Variants in CD4 observed in about 807,000 individuals in gnomAD.
CD4 encodes the protein CD4 molecule.
A neutral mutation model predicts 50.5 loss-of-function variants in CD4; 25 were observed. The observed-to-expected ratio is 0.49, with a 90% CI of 0.36 to 0.69. The LOEUF is 0.69. Ranked by LOEUF, CD4 falls within the 30% of genes least tolerant of loss-of-function variation. The pLI is 0.00. For missense variants in CD4, 456 were observed against 548.5 expected, an observed-to-expected ratio of 0.83 and a Z score of 1.68; for synonymous variants, 207 against 221.9, an observed-to-expected ratio of 0.93 and a Z score of 0.60.
chr12:6,805,805 A>G (rs1259665692), intron 3 of CD4, among the ~76,000 whole-genome samples: 1 of 151,972 alleles, frequency 6.6e-6, no homozygotes, highest in Non-Finnish European at 1.5e-5. Context: ...GGCCAGGTGT[A>G]GTGGCTTACA....
At chr12:6,804,170 A>G (rs530570188) in intron 3 of CD4, among the ~76,000 whole-genome samples, 827 of 4,782 alleles carry the variant, frequency 0.17, 12 homozygotes, top group Middle Eastern at 0.44. Flanking sequence ...AAGCACACAC[A>G]CACACACACA....
Position 6,814,889 on chromosome 12 carries a change from C to A in CD4, c.504C>A (p.Thr168=), listed in dbSNP as rs782677887. Residue 168 remains threonine, a synonymous_variant, in exon 5 of 10, where the codon ACC becomes ACA. Coordinates refer to ENST00000011653, the MANE Select transcript of CD4 (RefSeq NM_000616.5). ...GTAAAAACATACAGGGGGGGAAGACCCTCTCCGTGTCTCAGCTGGAGCTCC... is the reference window on the plus strand; with the variant it reads ...GTAAAAACATACAGGGGGGGAAGACACTCTCCGTGTCTCAGCTGGAGCTCC... ...PRGKNIQGGK[T]LSVSQLELQD... 3.7e-6 allele frequency: 6 copies of A among 1,613,320 alleles called. No individual in the cohort carries two copies. Among genetic ancestry groups the A allele is most frequent in the Non-Finnish European group, 5.1e-6 (6 of 1,179,622 alleles).
In CD4 at chr12:6,814,979, C is replaced by T. The variant is rs781822450; in HGVS notation, c.594C>T (p.Asp198=). The T allele has an allele frequency of 1.2e-6, 2 of 1,610,952 alleles. No homozygotes were observed. The highest frequency in any genetic ancestry group is 8.5e-7 in the Non-Finnish European group (1 of 1,177,704). Residue 198 remains aspartate, a synonymous_variant, in exon 5 of 10, where the codon GAC becomes GAT. Coordinates refer to ENST00000011653, the MANE Select transcript of CD4 (RefSeq NM_000616.5). ...AGAAGAAGGTGGAGTTCAAAATAGACATCGTGGTGCTAGGTAAGGGAAGCC... is the reference window on the plus strand; with the variant it reads ...AGAAGAAGGTGGAGTTCAAAATAGATATCGTGGTGCTAGGTAAGGGAAGCC... ...QNQKKVEFKI[D]IVVLAFQKAS... is the part of the protein sequence containing the mutation.
intron 7 of CD4, 34 bp downstream of exon 7, chr12:6,817,364 GGGCTGCGGGACCTTCCTGTGGTT>G: frequency 6.5e-7 from 1 of 1,532,930 alleles, no homozygotes; most frequent in African/African-American, 1.4e-5. Context: ...TCTGCCTCCT[GGGCTGCGGGACCTTCCTGTGGTT>G]GGCAGAGACC....
rs1441248976 is a variant in CD4 at position 6,812,767 on chromosome 12, ATTTTTGTGTG to A, written c.215-1373_215-1364del. On this transcript the variant is annotated intron_variant, in intron 3 of 9. Coordinates refer to ENST00000011653, the MANE Select transcript of CD4 (RefSeq NM_000616.5). ...CCTCTTCCTAGAGGCAACCAAGGTTATTTTTGTGTGTGTGTGTGTGTGTGTGTGTGTGTGT... is the reference window on the plus strand; with the variant it reads ...CCTCTTCCTAGAGGCAACCAAGGTTATGTGTGTGTGTGTGTGTGTGTGTGT... Among the ~76,000 whole-genome samples the A allele has an allele frequency of 7.9e-3, 1,146 of 144,420 alleles. 5 individuals carry two copies. The highest frequency in any genetic ancestry group is 0.011 in the Admixed American group (168 of 14,798). 94.7% of individuals were successfully genotyped at this position (144,420 alleles called of 152,430 possible).
At chr12:6,801,000 G>A (rs1942527713) in intron 3 of CD4, among the ~76,000 whole-genome samples, 3 of 151,778 alleles carry the variant, frequency 2.0e-5, no homozygotes, top group Non-Finnish European at 4.4e-5. Context: ...CCACCTCCCA[G>A]GCTCAAGTCA....
intron 1 of CD4, among the ~76,000 whole-genome samples, chr12:6,793,968 C>CA (rs1305680372): frequency 4.5e-5 from 4 of 88,658 alleles, no homozygotes; most frequent in African/African-American, 1.4e-4. Flanking sequence ...TTCTATCTAT[C>CA]TATATCTATC....
chr12:6,809,570 A>G (rs1942876073), intron 3 of CD4, among the ~76,000 whole-genome samples: 1 of 151,990 alleles, frequency 6.6e-6, no homozygotes, highest in Non-Finnish European at 1.5e-5. Flanking sequence ...GCCAAGGCTC[A>G]CATACCTCCC....
chr12:6,817,118 G>C lies in CD4; in HGVS notation c.956-12G>C, dbSNP rs781953886. On this transcript the variant is annotated splice_polypyrimidine_tract_variant and intron_variant, in intron 6 of 9. Transcript: ENST00000011653. ...CTCAGGCCTTTGATCTCAGCCTCTC[G>C]TTCCTCTGCAGCCACTCAGCTCCAG... 3.7e-6 allele frequency: 6 copies of C among 1,611,028 alleles called. No individual in the cohort carries two copies. The highest frequency in any genetic ancestry group is 2.2e-5 in the South Asian group (2 of 91,028).
chr12:6,815,900 G>A, intron 5 of CD4, 156 bp from the exon 6 acceptor site: 1 of 1,521,370 alleles, frequency 6.6e-7, no homozygotes. Context: ...GAAGGCTGGA[G>A]AGGTAGGAAG....
At chr12:6,806,136 C>CA (rs373602307) in intron 3 of CD4, among the ~76,000 whole-genome samples, 40,828 of 117,884 alleles carry the variant, frequency 0.35, 7,337 homozygotes, top group Non-Finnish European at 0.39. Context: ...CCGTCTCTAC[C>CA]AAAAAAAAAA....
intron 1 of CD4, among the ~76,000 whole-genome samples, chr12:6,794,872 C>T (rs745540088): frequency 1.3e-4 from 20 of 149,466 alleles, no homozygotes; most frequent in African/African-American, 4.2e-4. Flanking sequence ...GCTGAACCTC[C>T]GCCTCCTGGG....
chr12:6,794,596 T>A (rs1031161184), intron 1 of CD4, among the ~76,000 whole-genome samples: 1 of 152,080 alleles, frequency 6.6e-6, no homozygotes, highest in African/African-American at 2.4e-5. Flanking sequence ...GGTCTCGTAC[T>A]CCCGACCTCA....
chr12:6,799,103 G>C (rs1942461294), intron 1 of CD4: 1 of 152,192 alleles, frequency 6.6e-6, no homozygotes. Flanking sequence ...CCAGTTAGGG[G>C]TGTGCAAGTT....
rs1179038889 is a variant in CD4, at chr12:6,814,317, G to A, written c.373+17G>A. On this transcript the variant is annotated intron_variant, in intron 4 of 9. Transcript: ENST00000011653. The stretch of plus-strand genomic sequence containing the variant: ...TGTTCGGATGTGAGTGGGGCAGGTG[G>A]GGATGAGGATACCTCCTGCCTGGTT... 1.9e-6 allele frequency: 3 copies of A among 1,610,552 alleles called. No individual in the cohort carries two copies. The highest frequency in any genetic ancestry group is 1.7e-5 in the Admixed American group (1 of 59,820).
intron 1 of CD4, among the ~76,000 whole-genome samples, chr12:6,797,358 A>G (rs941118501): frequency 1.3e-5 from 2 of 151,932 alleles, no homozygotes; most frequent in Admixed American, 6.6e-5. Context: ...TTGGTCTGAT[A>G]TTGGACAGAG....
intron 2 of CD4, 35 bp from the exon 3 acceptor site, chr12:6,800,272 G>A (rs1942503308): frequency 1.7e-5 from 27 of 1,613,170 alleles, no homozygotes; most frequent in Non-Finnish European, 2.2e-5. Flanking sequence ...GGACAGCGGC[G>A]ACATTGAGAC....
chr12:6,803,242 C>T (rs1555115653), intron 3 of CD4, among the ~76,000 whole-genome samples: 1 of 152,022 alleles, frequency 6.6e-6, no homozygotes, highest in African/African-American at 2.4e-5. Flanking sequence ...CCTCCACCTC[C>T]TGGGTTCAAG....
Position 6,819,695 on chromosome 12 carries a change from C to T in CD4, c.*366C>T. The T allele has an allele frequency of 3.6e-6, 1 of 277,770 alleles. No individual in the cohort carries two copies. The highest frequency in any genetic ancestry group is 6.9e-6 in the Non-Finnish European group (1 of 145,362). The allele number at this position is 277,770 out of a possible 1,614,324, so 17.2% of individuals were successfully genotyped here. A position where few individuals can be genotyped will look rare whatever the true frequency, so the allele number is the denominator to read the frequency against. ...GTGTCTGGAAGCATGGAGCATGGGA[C>T]TGTTCTTTTACAAGACAGGACCCTG... On this transcript the variant is annotated 3_prime_UTR_variant, in exon 10 of 10. Transcript: ENST00000011653.
Sources: allele counts gnomAD v4.1 joint callset (sites outside exome capture counted in the v4.1 genomes callset), GRCh38; gene constraint gnomAD v4.1.1; transcripts MANE v1.5; gene names NCBI Gene and HGNC (gene_info 2026-07-23, HGNC 2026-07-21).